Variants in OPRD1 observed in about 807,000 individuals in gnomAD.
OPRD1 encodes opioid receptor delta 1.
OPRD1 carries 19 observed loss-of-function variants against 17.5 expected under a neutral mutation model. That is an observed-to-expected ratio of 1.09 (90% CI 0.76 to 1.60). The LOEUF (loss-of-function observed/expected upper bound fraction) is 1.60. OPRD1 is among the 40% of genes most tolerant of loss of function. The pLI is 0.00. For missense variants in OPRD1, 483 were observed against 547.2 expected (o/e 0.88, Z 1.17); for synonymous variants, 256 against 240.9 (o/e 1.06, Z -0.58).
chr1:28,841,698 T>TTTTA (rs961905335), intron 1 of OPRD1, among the ~76,000 whole-genome samples: 3 of 151,734 alleles, frequency 2.0e-5, no homozygotes, highest in South Asian at 2.1e-4. Context: ...TTTATTTTTA[T>TTTTA]TTTATTTATT....
At chr1:28,857,442 T>A (rs1266061094) in intron 1 of OPRD1, among the ~76,000 whole-genome samples, 1 of 152,142 alleles carries the variant, frequency 6.6e-6, no homozygotes. Flanking sequence ...TTTCAGAAGA[T>A]AAGTATTTTT....
chr1:28,860,344 G>A (rs1011305069), intron 2 of OPRD1, among the ~76,000 whole-genome samples: 12 of 146,932 alleles, frequency 8.2e-5, no homozygotes, highest in African/African-American at 2.5e-4. Flanking sequence ...CAGCTTGGGC[G>A]ACAGAATGGG....
chr1:28,869,780 G>A lies in OPRD1; in HGVS notation c.*6497G>A, dbSNP rs1303980714. On this transcript the variant is annotated 3_prime_UTR_variant, in exon 3 of 3. Transcript: ENST00000234961. Reference sequence around the variant, plus strand: ...TCTCACATCCAGCTCACAGTCACAGGCTGAGCATTCCCTGTGCTGGGTTCT... The same window carrying A: ...TCTCACATCCAGCTCACAGTCACAGACTGAGCATTCCCTGTGCTGGGTTCT... 1.3e-5 allele frequency: 2 copies of A among 152,172 alleles called. No individual in the cohort carries two copies. The highest frequency in any genetic ancestry group is 3.9e-4 in the East Asian group (2 of 5,192). The allele number at this position is 152,172 out of a possible 1,614,324, so 9.4% of individuals were successfully genotyped here.
chr1:28,862,435 T>G (rs1294659340), intron 2 of OPRD1, among the ~76,000 whole-genome samples: 12 of 152,164 alleles, frequency 7.9e-5, no homozygotes, highest in Admixed American at 7.9e-4. Flanking sequence ...ATGACTGGCA[T>G]TCAGTGGGCT....
At chr1:28,817,854 G>T (rs1569600805) in intron 1 of OPRD1, among the ~76,000 whole-genome samples, 1 of 141,716 alleles carries the variant, frequency 7.1e-6, no homozygotes, top group Admixed American at 7.1e-5. Context: ...ACAGGCGCTC[G>T]CCACCACGCC....
At chr1:28,856,153 G>C (rs991507568) in intron 1 of OPRD1, among the ~76,000 whole-genome samples, 5 of 152,364 alleles carry the variant, frequency 3.3e-5, no homozygotes, top group Non-Finnish European at 7.3e-5. Flanking sequence ...GAGCGTGGGA[G>C]TCAGGAGGTC....
At chr1:28,858,432 CCTT>C (rs1280256845) in intron 1 of OPRD1, among the ~76,000 whole-genome samples, 2 of 151,924 alleles carry the variant, frequency 1.3e-5, no homozygotes, top group Non-Finnish European at 2.9e-5. Flanking sequence ...TCTTAAAACA[CCTT>C]CTGCCAAAGT....
intron 1 of OPRD1, among the ~76,000 whole-genome samples, chr1:28,854,994 A>G (rs1473767852): frequency 6.6e-6 from 1 of 152,126 alleles, no homozygotes; most frequent in Admixed American, 6.6e-5. Flanking sequence ...GCCCAAGGGT[A>G]CAGCAGGGAA....
chr1:28,850,892 A>AAG (rs1186616951), intron 1 of OPRD1, among the ~76,000 whole-genome samples: 1 of 151,806 alleles, frequency 6.6e-6, no homozygotes, highest in African/African-American at 2.4e-5. Context: ...GATATAACAA[A>AAG]AGAGGATGTG....
chr1:28,861,017 C>G (rs886949876), intron 2 of OPRD1, among the ~76,000 whole-genome samples: 1 of 152,184 alleles, frequency 6.6e-6, no homozygotes, highest in Admixed American at 6.5e-5. Context: ...CACACACACA[C>G]TTTCCCAGTG....
chr1:28,831,958 A>G (rs970772779), intron 1 of OPRD1, among the ~76,000 whole-genome samples: 13 of 152,192 alleles, frequency 8.5e-5, no homozygotes, highest in Admixed American at 2.0e-4. Context: ...GTTTCTCTCC[A>G]TTTGACAGAT....
At chr1:28,831,775 T>C (rs994998603) in intron 1 of OPRD1, among the ~76,000 whole-genome samples, 13 of 152,180 alleles carry the variant, frequency 8.5e-5, no homozygotes, top group African/African-American at 3.1e-4. Flanking sequence ...TGGGCTCCAG[T>C]GATCCTCCTG....
At chr1:28,851,658 G>C (rs1044087895) in intron 1 of OPRD1, among the ~76,000 whole-genome samples, 6 of 148,780 alleles carry the variant, frequency 4.0e-5, no homozygotes, top group Non-Finnish European at 8.9e-5. Flanking sequence ...GATCACCTGA[G>C]GTTGGGAGTT....
chr1:28,844,908 C>A (rs2088926741), intron 1 of OPRD1, among the ~76,000 whole-genome samples: 1 of 151,994 alleles, frequency 6.6e-6, no homozygotes, highest in African/African-American at 2.4e-5. Flanking sequence ...CCACTCTCGG[C>A]TAATTTTTGT....
At chr1:28,815,221 C>A (rs936131739) in intron 1 of OPRD1, among the ~76,000 whole-genome samples, 1 of 152,172 alleles carries the variant, frequency 6.6e-6, no homozygotes, top group African/African-American at 2.4e-5. Context: ...TAATGCGATC[C>A]TCCCACCTCA....
rs1017899712 is a variant in OPRD1 at position 28,865,618 on chromosome 1, A to T, written c.*2335A>T. ...GGAAATGGCTACCCCGGGTCCTGGA[A>T]AGATGTGGGGCCATGCCCAGCACTC... On this transcript the variant is annotated 3_prime_UTR_variant, in exon 3 of 3. Transcript: ENST00000234961. 1.3e-5 allele frequency: 2 copies of T among 152,040 alleles called. No homozygotes were observed. The highest frequency in any genetic ancestry group is 2.9e-5 in the Non-Finnish European group (2 of 67,996). 9.4% of individuals were successfully genotyped at this position (152,040 alleles called of 1,614,324 possible).
intron 1 of OPRD1, among the ~76,000 whole-genome samples, chr1:28,819,445 GA>G (rs2088694314): frequency 1.3e-5 from 2 of 152,144 alleles, no homozygotes; most frequent in Non-Finnish European, 2.9e-5. Context: ...ATTCCCTGGG[GA>G]GTGTGTGTGA....
chr1:28,853,203 C>T (rs1471180152), intron 1 of OPRD1, among the ~76,000 whole-genome samples: 1 of 152,238 alleles, frequency 6.6e-6, no homozygotes, highest in Non-Finnish European at 1.5e-5. Flanking sequence ...TATTTCTCAA[C>T]CCCTTGCAGT....
At chr1:28,855,252 TG>T (rs1391662571) in intron 1 of OPRD1, among the ~76,000 whole-genome samples, 7 of 151,974 alleles carry the variant, frequency 4.6e-5, no homozygotes, top group Admixed American at 2.0e-4. Flanking sequence ...ATGCAAAATA[TG>T]GGGGGACCGG....
Sources: gnomAD v4.1 joint callset for allele counts (sites outside exome capture counted in the v4.1 genomes callset) on GRCh38, gnomAD v4.1.1 for gene constraint, MANE v1.5 for transcripts, NCBI Gene and HGNC (gene_info 2026-07-23, HGNC 2026-07-21) for gene names.